The following TLN2 variants were observed in gnomAD, a reference collection of about 807,000 sequenced individuals.
TLN2 encodes talin 2, also known as talin-2.
Under a neutral mutation model 294.7 loss-of-function variants are expected in TLN2, and 118 were observed. That is an observed-to-expected ratio of 0.40 (90% confidence interval 0.34 to 0.47). The LOEUF is 0.47. Among genes scored for constraint, TLN2 ranks in the 20% least tolerant of loss-of-function variants. The pLI is 0.84. For missense variants in TLN2, 3,083 were observed against 3,282.2 expected, an observed-to-expected ratio of 0.94 and a Z score of 1.48; for synonymous variants, 1,431 against 1,304.5, an observed-to-expected ratio of 1.10 and a Z score of -2.09.
intron 1 of TLN2, among the ~76,000 whole-genome samples, chr15:62,420,213 G>A (rs960197594): frequency 6.6e-6 from 1 of 152,122 alleles, no homozygotes; most frequent in African/African-American, 2.4e-5. Flanking sequence ...TAATGGAATT[G>A]TATTTAAAAT....
intron 1 of TLN2, among the ~76,000 whole-genome samples, chr15:62,526,906 G>T (rs528733829): frequency 2.6e-5 from 4 of 152,270 alleles, no homozygotes; most frequent in African/African-American, 9.6e-5. Context: ...CAAAAGTGAG[G>T]TGTATGTTTT....
In TLN2 at chr15:62,564,919, A is replaced by AT. The variant is rs1252446922; in HGVS notation, c.-237-24768_-237-24767insT. Among the ~76,000 whole-genome samples, 431 of 112,216 alleles carry AT rather than the reference A, an allele frequency of 3.8e-3. 2 individuals are homozygous for AT. The highest frequency in any genetic ancestry group is 0.01 in the African/African-American group (285 of 27,680). 73.6% of individuals were successfully genotyped at this position (112,216 alleles called of 152,430 possible). On this transcript the variant is annotated intron_variant, in intron 1 of 58. Coordinates refer to ENST00000636159, the MANE Select transcript of TLN2 (RefSeq NM_015059.3). ...AAACTCCATCTCAAAAAAAAAAAAA[A>AT]AAAAAAATATATATATATATATACT... is the stretch of plus-strand genomic sequence containing the variant.
intron 1 of TLN2, among the ~76,000 whole-genome samples, chr15:62,474,108 A>G (rs2037650527): frequency 6.6e-6 from 1 of 152,146 alleles, no homozygotes; most frequent in Non-Finnish European, 1.5e-5. Context: ...ACAAAACAAA[A>G]CAGAACAAAC....
chr15:62,411,124 C>T (rs2033751211), intron 1 of TLN2, among the ~76,000 whole-genome samples: 1 of 152,124 alleles, frequency 6.6e-6, no homozygotes, highest in Admixed American at 6.5e-5. Context: ...TCATGGATAG[C>T]ACAGTCTGGA....
chr15:62,548,019 G>A (rs1227126691), intron 1 of TLN2, among the ~76,000 whole-genome samples: 7 of 152,220 alleles, frequency 4.6e-5, no homozygotes, highest in African/African-American at 1.7e-4. Flanking sequence ...CCCTTTGCAA[G>A]GGGTTGCAAA....
intron 54 of TLN2, among the ~76,000 whole-genome samples, chr15:62,825,795 T>A (rs1311194602): frequency 1.5e-4 from 1 of 6,538 alleles, no homozygotes; most frequent in Non-Finnish European, 5.1e-4. Flanking sequence ...TATATTATAA[T>A]ATATATTATA....
chr15:62,525,509 C>G (rs1220141953), intron 1 of TLN2, among the ~76,000 whole-genome samples: 1 of 152,192 alleles, frequency 6.6e-6, no homozygotes, highest in Non-Finnish European at 1.5e-5. Context: ...TGGCCATTGG[C>G]AGAACAATGT....
At chr15:62,783,393 A>T (rs1285448955) in intron 44 of TLN2, among the ~76,000 whole-genome samples, 1 of 152,016 alleles carries the variant, frequency 6.6e-6, no homozygotes, top group East Asian at 1.9e-4. Context: ...TTCTAGGGGG[A>T]ATTCCTCTGG....
chr15:62,827,154 C>T (rs184883600), intron 54 of TLN2, among the ~76,000 whole-genome samples: 6 of 152,222 alleles, frequency 3.9e-5, no homozygotes, highest in Non-Finnish European at 5.9e-5. Context: ...AGTTCATTGG[C>T]GGAAGGAGCT....
chr15:62,576,332 T>C (rs1596204943), intron 1 of TLN2, among the ~76,000 whole-genome samples: 1 of 152,130 alleles, frequency 6.6e-6, no homozygotes, highest in African/African-American at 2.4e-5. Flanking sequence ...GGGGAGATGA[T>C]ATGTAACATG....
chr15:62,739,237 G>A, intron 30 of TLN2, 111 bp from the exon 31 acceptor site: 2 of 1,235,432 alleles, frequency 1.6e-6, no homozygotes, highest in Non-Finnish European at 1.1e-6. Context: ...TTTTAATCGT[G>A]ATGACTCAAA....
In TLN2 at chr15:62,620,985, C is replaced by T. The variant is rs1296528056; in HGVS notation, c.-37+2510C>T. ...TCCAGAGTAGCTGGGACTGCAGGCG[C>T]CCGCCACCACGCCCGGCTAATTTTT... On this transcript the variant is annotated intron_variant, in intron 3 of 58. Coordinates refer to ENST00000636159, the MANE Select transcript of TLN2 (RefSeq NM_015059.3). Among the ~76,000 whole-genome samples the T allele has an allele frequency of 2.6e-5, 4 of 151,716 alleles. No individual in the cohort carries two copies. In the South Asian group the frequency reaches 6.2e-4, roughly 24 times the overall value.
intron 3 of TLN2, among the ~76,000 whole-genome samples, chr15:62,634,977 T>G (rs963629100): frequency 2.0e-5 from 3 of 152,236 alleles, no homozygotes; most frequent in Non-Finnish European, 2.9e-5. Flanking sequence ...TGCTAGATGG[T>G]TTTTCTCCCA....
chr15:62,475,405 C>T (rs1486774443), intron 1 of TLN2, among the ~76,000 whole-genome samples: 2 of 152,072 alleles, frequency 1.3e-5, no homozygotes, highest in Non-Finnish European at 2.9e-5. Context: ...GTGATCTGCT[C>T]GAGGTTGCAT....
chr15:62,412,177 A>G (rs996142360), intron 1 of TLN2, among the ~76,000 whole-genome samples: 10 of 152,228 alleles, frequency 6.6e-5, no homozygotes, highest in Non-Finnish European at 1.3e-4. Context: ...ATCCAGACCT[A>G]CGGACTTAGA....
At chr15:62,598,722 C>A (rs1405062084) in intron 2 of TLN2, among the ~76,000 whole-genome samples, 1 of 150,854 alleles carries the variant, frequency 6.6e-6, no homozygotes, top group Non-Finnish European at 1.5e-5. Context: ...TCTCTCCATT[C>A]CTGAGAGAAA....
intron 1 of TLN2, among the ~76,000 whole-genome samples, chr15:62,501,718 A>G (rs2039318983): frequency 6.6e-6 from 1 of 152,228 alleles, no homozygotes; most frequent in Non-Finnish European, 1.5e-5. Flanking sequence ...GTTTAATTGG[A>G]CATAGTTATA....
chr15:62,673,784 G>A (rs1188816386), intron 9 of TLN2, 43 bp from the exon 10 acceptor site: 1 of 1,491,406 alleles, frequency 6.7e-7, no homozygotes, highest in Admixed American at 1.7e-5. Context: ...TCTCATCATG[G>A]AACATGATAA....
chr15:62,491,345 T>G (rs1365981678), intron 1 of TLN2, among the ~76,000 whole-genome samples: 94 of 115,198 alleles, frequency 8.2e-4, no homozygotes, highest in African/African-American at 2.9e-3. Context: ...AAAATATATA[T>G]ATATATACAC....
Sources: gnomAD v4.1 joint callset for allele counts (sites outside exome capture counted in the v4.1 genomes callset) on GRCh38, gnomAD v4.1.1 for gene constraint, MANE v1.5 for transcripts, NCBI Gene and HGNC (gene_info 2026-07-23, HGNC 2026-07-21) for gene names.